GPHN: variants seen among roughly 807,000 people sequenced by gnomAD.
The protein encoded by GPHN is gephyrin.
A neutral mutation model predicts 95.5 loss-of-function variants in GPHN; 17 were observed. The observed-to-expected ratio is 0.18, with a 90% CI of 0.12 to 0.27. The LOEUF is 0.27. GPHN is among the 10% of genes least tolerant of loss of function. The probability of loss-of-function intolerance (pLI) is 1.00; values close to 1 mark genes in which losing one functional copy is unlikely to be tolerated. For synonymous variants in GPHN, 320 were observed against 322.5 expected (o/e 0.99, Z 0.08); for missense variants, 660 against 978.1 (o/e 0.67, Z 4.34).
At chr14:67,322,175 A>G in the GPHN span, among the ~76,000 whole-genome samples, 1 of 152,020 alleles carries the variant, frequency 6.6e-6, no homozygotes, top group Non-Finnish European at 1.5e-5. Flanking sequence ...GCAAAGCCCC[A>G]TCTCTACCAA....
At position 67,100,925 on chromosome 14, in the gene GPHN, GC is replaced by G. The variant is rs780721725; in HGVS notation, c.1293+16del. 474 of 1,495,170 alleles carry G rather than the reference GC, an allele frequency of 3.2e-4. No homozygotes were observed. The highest frequency in any genetic ancestry group is 1.9e-3 in the Middle Eastern group (11 of 5,824). 92.6% of individuals were successfully genotyped at this position (1,495,170 alleles called of 1,614,324 possible). A position where few individuals can be genotyped will look rare whatever the true frequency, so the allele number is the denominator to read the frequency against. ...GCTGGTGAACAGGTGAGATTGATAGGCCTGAAAGGCACTGAAGATTTCAGCT... is the reference window on the plus strand; with the variant it reads ...GCTGGTGAACAGGTGAGATTGATAGGCTGAAAGGCACTGAAGATTTCAGCT... On this transcript the variant is annotated intron_variant, in intron 13 of 22. Transcript: ENST00000478722.
At chr14:66,638,550 A>G (rs557885191) in intron 1 of GPHN, among the ~76,000 whole-genome samples, 28 of 152,316 alleles carry the variant, frequency 1.8e-4, no homozygotes, top group African/African-American at 5.8e-4. Flanking sequence ...ATAAATGGTC[A>G]CTATTGCTTT....
intron 8 of GPHN, among the ~76,000 whole-genome samples, chr14:66,962,591 T>C (rs949790595): frequency 6.6e-5 from 10 of 151,880 alleles, no homozygotes; most frequent in African/African-American, 2.4e-4. Flanking sequence ...GTAATAAATA[T>C]CTGTGTCTTT....
intron 13 of GPHN, among the ~76,000 whole-genome samples, chr14:67,105,764 T>C (rs1000439829): frequency 2.7e-5 from 4 of 147,842 alleles, no homozygotes; most frequent in Non-Finnish European, 6.1e-5. Flanking sequence ...AGTTGGGTTC[T>C]TTTTTTTTAA....
the GPHN span, among the ~76,000 whole-genome samples, chr14:67,375,052 T>TC: frequency 6.6e-6 from 1 of 152,184 alleles, no homozygotes; most frequent in African/African-American, 2.4e-5. Context: ...TTGGTTTTTT[T>TC]CCCCCTCCAC....
At chr14:66,789,963 A>G (rs1169461118) in intron 3 of GPHN, among the ~76,000 whole-genome samples, 1 of 152,224 alleles carries the variant, frequency 6.6e-6, no homozygotes, top group African/African-American at 2.4e-5. Context: ...AAGATAACGT[A>G]ATTCAAGACA....
At chr14:66,644,933 G>T (rs1206466662) in intron 1 of GPHN, among the ~76,000 whole-genome samples, 1 of 151,850 alleles carries the variant, frequency 6.6e-6, no homozygotes, top group Non-Finnish European at 1.5e-5. Flanking sequence ...TTTAAATTTT[G>T]TAGTAAGGCA....
chr14:67,190,877 C>T, the GPHN span, among the ~76,000 whole-genome samples: 4 of 152,158 alleles, frequency 2.6e-5, no homozygotes, highest in African/African-American at 4.8e-5. Context: ...AATAATTAAC[C>T]TCAAAGCTCC....
the GPHN span, among the ~76,000 whole-genome samples, chr14:67,713,278 A>C: frequency 9.5e-5 from 14 of 147,562 alleles, no homozygotes; most frequent in African/African-American, 3.1e-4. Context: ...AAAACAAAAC[A>C]AAAAAAAACC....
chr14:67,414,592 A>C, the GPHN span, among the ~76,000 whole-genome samples: 2 of 152,188 alleles, frequency 1.3e-5, no homozygotes, highest in African/African-American at 4.8e-5. Flanking sequence ...TCCCGAAGGG[A>C]CAGGGACAGA....
At chr14:66,638,642 C>T (rs2064230964) in intron 1 of GPHN, among the ~76,000 whole-genome samples, 1 of 151,966 alleles carries the variant, frequency 6.6e-6, no homozygotes, top group Non-Finnish European at 1.5e-5. Flanking sequence ...GAGACCCCAT[C>T]TTTGTAGTCT....
the GPHN span, among the ~76,000 whole-genome samples, chr14:67,215,921 C>A: frequency 6.6e-6 from 1 of 152,098 alleles, no homozygotes; most frequent in Non-Finnish European, 1.5e-5. Flanking sequence ...TTTCCTTGCC[C>A]AAAACAAATG....
the GPHN span, among the ~76,000 whole-genome samples, chr14:67,494,802 A>G: frequency 6.6e-6 from 1 of 152,196 alleles, no homozygotes; most frequent in South Asian, 2.1e-4. Flanking sequence ...AGGCTACAGA[A>G]GAAGCACCAA....
chr14:66,607,491 AG>A (rs2062589839), intron 1 of GPHN, among the ~76,000 whole-genome samples: 1 of 151,792 alleles, frequency 6.6e-6, no homozygotes, highest in Admixed American at 6.6e-5. Context: ...TTTTGGTATC[AG>A]GATAATTCTG....
At chr14:67,722,825 G>A in the GPHN span, 4 of 876,840 alleles carry the variant, frequency 4.6e-6, no homozygotes, top group South Asian at 1.3e-5. Context: ...GAAAGTCAGG[G>A]CAGGAAAAGC....
At chr14:67,310,538 A>G in the GPHN span, among the ~76,000 whole-genome samples, 1 of 152,170 alleles carries the variant, frequency 6.6e-6, no homozygotes, top group Non-Finnish European at 1.5e-5. Context: ...GATGCTAGTT[A>G]TACAGGTCTG....
At chr14:67,638,051 A>T in the GPHN span, among the ~76,000 whole-genome samples, 142 of 152,326 alleles carry the variant, frequency 9.3e-4, 2 homozygotes, top group South Asian at 0.028. Context: ...CATGAGAGCC[A>T]CAAGCCAGGT....
chr14:66,930,586 T>C (rs2066736740), intron 8 of GPHN, among the ~76,000 whole-genome samples: 1 of 150,416 alleles, frequency 6.6e-6, no homozygotes, highest in African/African-American at 2.4e-5. Context: ...AGTGTAATGG[T>C]ATAATCACGG....
the GPHN span, among the ~76,000 whole-genome samples, chr14:67,482,309 AGG>A: frequency 6.6e-6 from 1 of 152,236 alleles, no homozygotes; most frequent in South Asian, 2.1e-4. Flanking sequence ...AGTCTAAGAC[AGG>A]CTGAAGGCAA....
Sources: allele counts gnomAD v4.1 joint callset (sites outside exome capture counted in the v4.1 genomes callset), GRCh38; gene constraint gnomAD v4.1.1; transcripts MANE v1.5; gene names NCBI Gene and HGNC (gene_info 2026-07-23, HGNC 2026-07-21).